The following ZRANB3 variants were observed in gnomAD, a reference collection of about 807,000 sequenced individuals.
The protein encoded by ZRANB3 is DNA annealing helicase and endonuclease ZRANB3.
In ZRANB3, 125 loss-of-function variants were observed where a neutral mutation model predicts 133.8. The observed-to-expected ratio is 0.93, with a 90% CI of 0.81 to 1.08. The LOEUF (loss-of-function observed/expected upper bound fraction) is 1.08. Among genes scored for constraint, ZRANB3 ranks in the 50% least tolerant of loss-of-function variants. The pLI, the probability that ZRANB3 is intolerant of heterozygous loss-of-function variation, is 0.00. For synonymous variants in ZRANB3, 387 were observed against 432.7 expected (o/e 0.89, Z 1.31); for missense variants, 1,229 against 1,275.5 (o/e 0.96, Z 0.56).
chr2:135,466,382 C>CAAAAAAAAAAAAAAAAAA (rs553890734), intron 2 of ZRANB3, among the ~76,000 whole-genome samples: 3 of 28,212 alleles, frequency 1.1e-4, no homozygotes, highest in Admixed American at 5.2e-4. Context: ...GACTCCGTCA[C>CAAAAAAAAAAAAAAAAAA]AAAAAAAAAA....
At chr2:135,471,196 G>C (rs1321683612) in intron 2 of ZRANB3, among the ~76,000 whole-genome samples, 1 of 151,412 alleles carries the variant, frequency 6.6e-6, no homozygotes, top group African/African-American at 2.4e-5. Context: ...CCATTAAGCA[G>C]CCTGCTAGAA....
At chr2:135,284,000 T>C (rs780915372) in intron 8 of ZRANB3, among the ~76,000 whole-genome samples, 1 of 152,028 alleles carries the variant, frequency 6.6e-6, no homozygotes, top group Non-Finnish European at 1.5e-5. Context: ...AAATCACTAA[T>C]AGAAAAACAG....
intron 12 of ZRANB3, among the ~76,000 whole-genome samples, chr2:135,264,260 C>A (rs1680110554): frequency 6.6e-6 from 1 of 151,416 alleles, no homozygotes; most frequent in Non-Finnish European, 1.5e-5. Context: ...ATCACAAGGT[C>A]AGGAGTTCGA....
chr2:135,508,969 A>AAT (rs3047970), intron 1 of ZRANB3, among the ~76,000 whole-genome samples: 10,272 of 152,032 alleles, frequency 0.068, 709 homozygotes, highest in African/African-American at 0.18. Flanking sequence ...GGTTTTATTC[A>AAT]ATATATATAT....
intron 12 of ZRANB3, among the ~76,000 whole-genome samples, chr2:135,259,006 G>A (rs1429207642): frequency 2.0e-5 from 3 of 152,078 alleles, no homozygotes; most frequent in Admixed American, 6.6e-5. Context: ...ATTTAAAAAC[G>A]TGTTTTCTTT....
chr2:135,428,683 C>T (rs919060471), intron 2 of ZRANB3, among the ~76,000 whole-genome samples: 4 of 152,134 alleles, frequency 2.6e-5, no homozygotes, highest in African/African-American at 4.8e-5. Context: ...CTGTTTTTAA[C>T]TTTGCCATTT....
intron 3 of ZRANB3, among the ~76,000 whole-genome samples, chr2:135,365,844 A>G (rs1685910838): frequency 6.6e-6 from 1 of 152,208 alleles, no homozygotes; most frequent in African/African-American, 2.4e-5. Flanking sequence ...AATTAATTTG[A>G]AGACATCATA....
At chr2:135,350,253 G>A (rs756909846) in intron 4 of ZRANB3, 38 bp from the exon 5 acceptor site, 11 of 1,444,416 alleles carry the variant, frequency 7.6e-6, no homozygotes, top group Non-Finnish European at 1.0e-5. Context: ...AAATATCTCA[G>A]TAATGACGTT....
intron 2 of ZRANB3, among the ~76,000 whole-genome samples, chr2:135,465,807 TAAAC>T (rs1194907942): frequency 1.3e-5 from 2 of 151,970 alleles, no homozygotes; most frequent in African/African-American, 4.8e-5. Flanking sequence ...ACGAAGAACT[TAAAC>T]AAATTTACAA....
intron 1 of ZRANB3, chr2:135,530,819 A>C (rs1694538562): frequency 1.3e-5 from 2 of 152,184 alleles, no homozygotes; most frequent in South Asian, 4.1e-4. Context: ...AAGCGGCGGC[A>C]TGGGTACCTC....
intron 2 of ZRANB3, among the ~76,000 whole-genome samples, chr2:135,492,518 C>G (rs947412755): frequency 6.6e-6 from 1 of 152,020 alleles, no homozygotes; most frequent in Non-Finnish European, 1.5e-5. Context: ...GTGTCTGCTC[C>G]CAGTACTATG....
intron 2 of ZRANB3, among the ~76,000 whole-genome samples, chr2:135,420,339 T>C (rs1688787255): frequency 6.6e-6 from 1 of 151,996 alleles, no homozygotes; most frequent in Non-Finnish European, 1.5e-5. Context: ...CATGTTGCAC[T>C]TGTTTTACAG....
chr2:135,445,606 A>G (rs921744202), intron 2 of ZRANB3, among the ~76,000 whole-genome samples: 19 of 152,052 alleles, frequency 1.2e-4, no homozygotes, highest in Admixed American at 8.5e-4. Flanking sequence ...GGCCAGGTGC[A>G]GTGGCTCACA....
At chr2:135,320,064 A>G (rs954969442) in intron 6 of ZRANB3, among the ~76,000 whole-genome samples, 1 of 152,056 alleles carries the variant, frequency 6.6e-6, no homozygotes, top group African/African-American at 2.4e-5. Context: ...GGTTCTCACT[A>G]TGTTGCCCAG....
chr2:135,291,917 A>T (rs1157995051), intron 8 of ZRANB3, among the ~76,000 whole-genome samples: 1 of 152,166 alleles, frequency 6.6e-6, no homozygotes, highest in East Asian at 1.9e-4. Flanking sequence ...CCTACAAAGG[A>T]CATGAACTCA....
At chr2:135,367,124 A>G (rs866704822) in intron 3 of ZRANB3, among the ~76,000 whole-genome samples, 2 of 152,332 alleles carry the variant, frequency 1.3e-5, no homozygotes, top group Middle Eastern at 3.4e-3. Context: ...GGCCGTGCAA[A>G]TATGTGCTAA....
In ZRANB3 at chr2:135,424,603, G is replaced by A. The variant is rs546563431; in HGVS notation, c.162-33783C>T. Among the ~76,000 whole-genome samples the A allele has an allele frequency of 8.2e-4, 124 of 152,144 alleles. 1 individual carries two copies. The highest frequency in any genetic ancestry group is 2.6e-3 in the African/African-American group (110 of 41,520). On this transcript the variant is annotated intron_variant, in intron 2 of 20. Coordinates refer to ENST00000264159, the MANE Select transcript of ZRANB3 (RefSeq NM_032143.4). ...CAAAAATTAGCCGAGCATGGTGGAA[G>A]GCACCTGTAATCCCAGCTCCTGGGG...
rs533078006 is a variant in ZRANB3, at chr2:135,407,246, C to T, written c.162-16426G>A. ...AATTGCTTCAATAAGAATAAAATAC[C>T]TAGGAATCCAACTTACAAGGGACAT... On this transcript the variant is annotated intron_variant, in intron 2 of 20. Coordinates refer to ENST00000264159, the MANE Select transcript of ZRANB3 (RefSeq NM_032143.4). Among the ~76,000 whole-genome samples, 11 of 150,678 alleles carry T rather than the reference C, an allele frequency of 7.3e-5. No homozygotes were observed. The South Asian group carries it at 2.1e-3, about 28-fold the overall frequency.
At chr2:135,414,476 G>A (rs957386810) in intron 2 of ZRANB3, among the ~76,000 whole-genome samples, 1 of 152,086 alleles carries the variant, frequency 6.6e-6, no homozygotes, top group African/African-American at 2.4e-5. Flanking sequence ...GACCTACAAA[G>A]AGACTTAGAC....
Sources: gnomAD v4.1 joint callset for allele counts (sites outside exome capture counted in the v4.1 genomes callset) on GRCh38, gnomAD v4.1.1 for gene constraint, MANE v1.5 for transcripts, NCBI Gene and HGNC (gene_info 2026-07-23, HGNC 2026-07-21) for gene names.